DMD: variants seen among roughly 807,000 people sequenced by gnomAD.
DMD encodes dystrophin.
In DMD, 63 loss-of-function variants were observed where a neutral mutation model predicts 330.1. That is an observed-to-expected ratio of 0.19 (90% confidence interval 0.16 to 0.24). DMD has a LOEUF of 0.24. Ranked by LOEUF, DMD falls within the 10% of genes least tolerant of loss-of-function variation. DMD has a pLI of 1.00. For missense variants in DMD, 3,344 were observed against 2,684.1 expected (o/e 1.25, Z -5.43); for synonymous variants, 1,223 against 959.8 (o/e 1.27, Z -5.07).
intron 60 of DMD, among the ~76,000 whole-genome samples, chrX:31,374,684 AG>A (rs1331977059): frequency 5.9e-5 from 2 of 33,848 alleles, no homozygotes; most frequent in Non-Finnish European, 9.8e-5. Context: ...GGGTGGGGGG[AG>A]GGGGGAGGGA....
intron 44 of DMD, among the ~76,000 whole-genome samples, chrX:32,070,200 C>T (rs776635986): frequency 1.8e-5 from 2 of 111,140 alleles, no homozygotes; most frequent in East Asian, 2.9e-4. Context: ...CTCTCCCCAC[C>T]CCGCTCAAAC....
intron 43 of DMD, among the ~76,000 whole-genome samples, chrX:32,248,494 A>G (rs1163894493): frequency 9.0e-6 from 1 of 110,915 alleles, no homozygotes; most frequent in Admixed American, 9.7e-5. Context: ...TAGTGACTCA[A>G]ATTATAATTA....
intron 60 of DMD, among the ~76,000 whole-genome samples, chrX:31,376,914 G>T (rs16989588): frequency 9.0e-6 from 1 of 111,490 alleles, no homozygotes; most frequent in Admixed American, 9.5e-5. Context: ...AAGCCCTTGC[G>T]GTTCTAACCC....
rs748648624 is a variant in DMD, at chrX:32,667,558, G to A, written c.961-22406C>T. On this transcript the variant is annotated intron_variant, in intron 9 of 78. Coordinates refer to ENST00000357033, the MANE Select transcript of DMD (RefSeq NM_004006.3). ...AGTGCCATTCTTCTAGTTTTATGGA[G>A]GAAATGTATTAGGACATGATAATCA... is the stretch of plus-strand genomic sequence containing the variant. 5.4e-5 allele frequency among the ~76,000 whole-genome samples: 6 copies of A among 111,037 alleles called. No homozygotes were observed. In the East Asian group the frequency reaches 1.7e-3, roughly 31 times the overall value.
At chrX:32,233,122 T>C (rs2097174515) in intron 43 of DMD, among the ~76,000 whole-genome samples, 1 of 112,277 alleles carries the variant, frequency 8.9e-6, no homozygotes, top group Non-Finnish European at 1.9e-5. Flanking sequence ...CTGAAAAAGA[T>C]ACTATCTCTA....
At chrX:31,516,890 G>C (rs1228203283) in intron 55 of DMD, among the ~76,000 whole-genome samples, 1 of 111,163 alleles carries the variant, frequency 9.0e-6, no homozygotes, top group Non-Finnish European at 1.9e-5. Flanking sequence ...CCTGGCCTAG[G>C]GTGGATTACC....
intron 1 of DMD, among the ~76,000 whole-genome samples, chrX:33,109,580 T>TAA (rs57732276): frequency 3.3e-4 from 34 of 104,136 alleles, no homozygotes; most frequent in South Asian, 1.7e-3. Flanking sequence ...AGTGTAGTGC[T>TAA]AAAAAAAAAA....
chrX:31,574,916 A>G (rs2076023511), intron 55 of DMD, among the ~76,000 whole-genome samples: 1 of 111,962 alleles, frequency 8.9e-6, no homozygotes, highest in Non-Finnish European at 1.9e-5. Context: ...TGTTCAAATG[A>G]CCTGTGTAAT....
intron 9 of DMD, among the ~76,000 whole-genome samples, chrX:32,683,163 T>C (rs1039787598): frequency 2.7e-5 from 3 of 111,460 alleles, no homozygotes; most frequent in African/African-American, 9.8e-5. Context: ...TGGGTTATCA[T>C]GGTAAAGAGC....
chrX:33,066,512 G>A, intron 1 of DMD, among the ~76,000 whole-genome samples: 1 of 106,665 alleles, frequency 9.4e-6, no homozygotes, highest in African/African-American at 3.4e-5. Flanking sequence ...AAAAGTAATA[G>A]ACTAATCTTA....
chrX:32,551,499 G>A (rs893758485), intron 16 of DMD, among the ~76,000 whole-genome samples: 17 of 111,552 alleles, frequency 1.5e-4, no homozygotes, highest in African/African-American at 5.2e-4. Flanking sequence ...AAAGTAATTA[G>A]AACCATCTTT....
chrX:31,582,993 G>T (rs770503465), intron 55 of DMD, among the ~76,000 whole-genome samples: 80 of 112,251 alleles, frequency 7.1e-4, no homozygotes, highest in Non-Finnish European at 1.2e-3. Context: ...GGCAGTAGGG[G>T]ATTTCAGTTT....
Position 31,875,169 on chromosome X carries a change from A to G in DMD, c.7098+19T>C, listed in dbSNP as rs2149679424. The G allele has an allele frequency of 8.4e-7, 1 of 1,185,659 alleles. No individual in the cohort carries two copies. The highest frequency in any genetic ancestry group is 1.1e-6 in the Non-Finnish European group (1 of 879,654). ...TTTCTTAAAAAAGACAAAAATATTTAAAGCAAAAAGTTCCCTACCTTAACG... is the reference window on the plus strand; with the variant it reads ...TTTCTTAAAAAAGACAAAAATATTTGAAGCAAAAAGTTCCCTACCTTAACG... On this transcript the variant is annotated intron_variant, in intron 48 of 78. Coordinates refer to ENST00000357033, the MANE Select transcript of DMD (RefSeq NM_004006.3).
intron 9 of DMD, among the ~76,000 whole-genome samples, chrX:32,657,563 A>T (rs1265393420): frequency 8.9e-6 from 1 of 111,817 alleles, no homozygotes; most frequent in African/African-American, 3.2e-5. Flanking sequence ...ATACCCAGTA[A>T]ACAAACCGAC....
At chrX:32,507,144 A>C (rs189845304) in intron 18 of DMD, among the ~76,000 whole-genome samples, 166 of 111,784 alleles carry the variant, frequency 1.5e-3, no homozygotes, top group African/African-American at 5.1e-3. Context: ...GAAAGACAGG[A>C]GGATTTGGGG....
intron 55 of DMD, among the ~76,000 whole-genome samples, chrX:31,510,791 G>A (rs1432255384): frequency 9.0e-6 from 1 of 110,656 alleles, no homozygotes; most frequent in Admixed American, 9.7e-5. Context: ...TTACAGGCGT[G>A]AGCCACCACA....
chrX:32,400,021 T>A (rs1298034178), intron 30 of DMD, among the ~76,000 whole-genome samples: 5 of 111,480 alleles, frequency 4.5e-5, no homozygotes, highest in South Asian at 7.5e-4. Flanking sequence ...AGAGAGGGCA[T>A]CCCTGTCTTG....
chrX:32,670,296 T>G (rs1377430438), intron 9 of DMD, among the ~76,000 whole-genome samples: 1 of 112,154 alleles, frequency 8.9e-6, no homozygotes, highest in Non-Finnish European at 1.9e-5. Context: ...CTTGACAGAT[T>G]AAATTACTAG....
At chrX:32,748,028 G>A (rs944626203) in intron 7 of DMD, among the ~76,000 whole-genome samples, 3 of 111,235 alleles carry the variant, frequency 2.7e-5, no homozygotes, top group African/African-American at 9.8e-5. Context: ...GGTAATACAC[G>A]TATTTCCCTT....
Sources: allele counts gnomAD v4.1 joint callset (sites outside exome capture counted in the v4.1 genomes callset), GRCh38; gene constraint gnomAD v4.1.1; transcripts MANE v1.5; gene names NCBI Gene and HGNC (gene_info 2026-07-23, HGNC 2026-07-21).